TUSC3: variants seen among roughly 807,000 people sequenced by gnomAD.
TUSC3 encodes the protein dolichyl-diphosphooligosaccharide--protein glycosyltransferase subunit TUSC3.
In TUSC3, 45 loss-of-function variants were observed where a neutral mutation model predicts 44.8. That is an observed-to-expected ratio of 1.00 (90% CI 0.79 to 1.29). TUSC3 has a LOEUF of 1.29. TUSC3 is among the 50% of genes most tolerant of loss of function. The pLI is 0.00. For missense variants in TUSC3, 519 were observed against 437.9 expected (o/e 1.19, Z -1.65); for synonymous variants, 212 against 152.9 (o/e 1.39, Z -2.85).
intron 1 of TUSC3, among the ~76,000 whole-genome samples, chr8:15,606,965 A>G: frequency 6.6e-6 from 1 of 151,988 alleles, no homozygotes; most frequent in East Asian, 1.9e-4. Context: ...ATATACTTAT[A>G]AAACAAAGTA....
intron 10 of TUSC3, among the ~76,000 whole-genome samples, chr8:15,759,399 G>C (rs974775270): frequency 2.6e-5 from 4 of 151,828 alleles, no homozygotes; most frequent in Admixed American, 1.3e-4. Context: ...GCTTCCACTT[G>C]GACAGAATAC....
At chr8:15,657,455 T>C (rs947428507) in intron 3 of TUSC3, among the ~76,000 whole-genome samples, 2 of 152,206 alleles carry the variant, frequency 1.3e-5, no homozygotes, top group African/African-American at 4.8e-5. Flanking sequence ...TCTTTGCAGT[T>C]TGTAAGAAGG....
chr8:15,804,011 C>T, the TUSC3 span, among the ~76,000 whole-genome samples: 4 of 152,102 alleles, frequency 2.6e-5, no homozygotes, highest in South Asian at 2.1e-4. Context: ...AATAAACATA[C>T]GTGTGCATGT....
the TUSC3 span, among the ~76,000 whole-genome samples, chr8:15,850,922 G>T: frequency 6.6e-6 from 1 of 152,052 alleles, no homozygotes; most frequent in Admixed American, 6.5e-5. Flanking sequence ...ATCAAATAGT[G>T]CTCCCCTACA....
the TUSC3 span, among the ~76,000 whole-genome samples, chr8:15,829,406 C>A: frequency 6.6e-6 from 1 of 152,100 alleles, no homozygotes; most frequent in African/African-American, 2.4e-5. Flanking sequence ...TTTACCCTTC[C>A]TTACCTAAAC....
intron 1 of TUSC3, among the ~76,000 whole-genome samples, chr8:15,577,120 G>C (rs1226640207): frequency 2.1e-5 from 3 of 139,570 alleles, no homozygotes; most frequent in African/African-American, 7.9e-5. Context: ...CTTTTGAGAA[G>C]TGTCTGTTCA....
At chr8:15,608,561 G>A (rs1160709729) in intron 1 of TUSC3, among the ~76,000 whole-genome samples, 1 of 152,092 alleles carries the variant, frequency 6.6e-6, no homozygotes, top group Admixed American at 6.6e-5. Context: ...ATCTTCATTT[G>A]TAATTCCCAT....
At position 15,673,754 on chromosome 8, in the gene TUSC3, T is replaced by A. The variant is rs1323737616; in HGVS notation, c.716T>A (p.Val239Asp). Residue 239 changes from valine (V) to aspartate (D), a missense_variant, in exon 6 of 11, where the codon GTC (valine) becomes GAC (aspartate). Coordinates refer to ENST00000503731, the MANE Select transcript of TUSC3 (RefSeq NM_006765.4). ...CTGCACCCTGTTTTTCAGTGTATAG[T>A]CTTTGCTATGACTTCTGGCCAGATG... is the stretch of plus-strand genomic sequence containing the variant. ...TGWAMVSLCIVFAMTSGQMWN... is the reference protein window; with the variant it reads ...TGWAMVSLCIDFAMTSGQMWN... 1.4e-5 allele frequency: 23 copies of A among 1,612,510 alleles called. No individual in the cohort carries two copies. Among genetic ancestry groups the A allele is most frequent in the Non-Finnish European group, 1.9e-5 (22 of 1,178,996 alleles).
At chr8:15,437,925 T>C (rs547970686) in intron 1 of TUSC3, among the ~76,000 whole-genome samples, 3 of 152,306 alleles carry the variant, frequency 2.0e-5, no homozygotes, top group South Asian at 2.1e-4. Context: ...GAAAACATTA[T>C]CCCAAAGTGG....
chr8:15,665,712 A>G (rs1807625866), intron 5 of TUSC3, among the ~76,000 whole-genome samples: 1 of 151,404 alleles, frequency 6.6e-6, no homozygotes, highest in Non-Finnish European at 1.5e-5. Context: ...ATATTGCAAT[A>G]TATTGCAAAG....
chr8:15,628,115 T>G (rs1805596806), intron 2 of TUSC3, among the ~76,000 whole-genome samples: 1 of 152,224 alleles, frequency 6.6e-6, no homozygotes, highest in Non-Finnish European at 1.5e-5. Context: ...ATTTAAAAAA[T>G]ACTGTAAATA....
intron 6 of TUSC3, among the ~76,000 whole-genome samples, chr8:15,723,582 T>G (rs1810387597): frequency 1.3e-5 from 2 of 152,154 alleles, no homozygotes. Flanking sequence ...TTATCATCTA[T>G]ATCACATCTG....
intron 1 of TUSC3, among the ~76,000 whole-genome samples, chr8:15,574,783 A>G (rs1456760949): frequency 6.6e-6 from 1 of 152,168 alleles, no homozygotes; most frequent in African/African-American, 2.4e-5. Context: ...TTTAAGCTAG[A>G]TGTTACTCTT....
chr8:15,459,376 C>CT (rs527478036), intron 1 of TUSC3, among the ~76,000 whole-genome samples: 23 of 151,056 alleles, frequency 1.5e-4, no homozygotes, highest in Admixed American at 4.0e-4. Flanking sequence ...AGAAACTCTT[C>CT]TTTTTTTTTG....
At chr8:15,809,248 T>A in the TUSC3 span, among the ~76,000 whole-genome samples, 1 of 152,182 alleles carries the variant, frequency 6.6e-6, no homozygotes, top group Admixed American at 6.5e-5. Flanking sequence ...GAACTTCTTT[T>A]CCCTGGTCAG....
chr8:15,529,625 A>G (rs1297605664), intron 2 of TUSC3, among the ~76,000 whole-genome samples: 1 of 152,036 alleles, frequency 6.6e-6, no homozygotes, highest in Non-Finnish European at 1.5e-5. Context: ...TGTACTATCT[A>G]ACGTATCAAT....
rs200112285 is a variant in TUSC3, at chr8:15,623,041, T to C, written c.139-39T>C. On this transcript the variant is annotated intron_variant, in intron 1 of 10. Coordinates refer to ENST00000503731, the MANE Select transcript of TUSC3 (RefSeq NM_006765.4). ...ATATGAAATTCAAACAAAAGGACTT[T>C]GACTCTTTGTAAATGTTAATTTCTG... 1.0e-5 allele frequency: 16 copies of C among 1,603,358 alleles called. No individual in the cohort carries two copies. The Admixed American group carries it at 1.2e-4, about 12-fold the overall frequency.
Position 15,613,233 on chromosome 8 carries a change from CT to C in TUSC3, c.139-9836del, listed in dbSNP as rs35627633. ...GATTCATGTAACATGTCTTACAGTG[CT>C]TTTTTTTTTTAAGTAAATTTAGCAC... On this transcript the variant is annotated intron_variant, in intron 1 of 10. Coordinates refer to ENST00000503731, the MANE Select transcript of TUSC3 (RefSeq NM_006765.4). Among the ~76,000 whole-genome samples, 528 of 146,248 alleles carry C rather than the reference CT, an allele frequency of 3.6e-3. 2 individuals are homozygous for C. The highest frequency in any genetic ancestry group is 6.9e-3 in the Admixed American group (100 of 14,552).
At chr8:15,842,996 T>G in the TUSC3 span, among the ~76,000 whole-genome samples, 344 of 152,322 alleles carry the variant, frequency 2.3e-3, 1 homozygote, top group African/African-American at 7.9e-3. Flanking sequence ...TTATAGTAAT[T>G]TGTAGCAACC....
Sources: gnomAD v4.1 joint callset for allele counts (sites outside exome capture counted in the v4.1 genomes callset) on GRCh38, gnomAD v4.1.1 for gene constraint, MANE v1.5 for transcripts, NCBI Gene and HGNC (gene_info 2026-07-23, HGNC 2026-07-21) for gene names.